CDH12: variants seen among roughly 807,000 people sequenced by gnomAD.
The protein encoded by CDH12 is cadherin-12.
CDH12 carries 41 observed loss-of-function variants against 74.1 expected under a neutral mutation model. The ratio of observed to expected loss-of-function variants is 0.55; its 90% confidence interval spans 0.43 to 0.72. CDH12 has a LOEUF of 0.72. Ranked by LOEUF, CDH12 falls within the 30% of genes least tolerant of loss-of-function variation. The pLI, the probability that CDH12 is intolerant of heterozygous loss-of-function variation, is 0.00. For synonymous variants in CDH12, 399 were observed against 355.0 expected, an observed-to-expected ratio of 1.12 and a Z score of -1.39; for missense variants, 945 against 977.2, an observed-to-expected ratio of 0.97 and a Z score of 0.44.
At chr5:22,043,839 A>T (rs146083577) in intron 5 of CDH12, among the ~76,000 whole-genome samples, 13 of 152,306 alleles carry the variant, frequency 8.5e-5, no homozygotes, top group African/African-American at 3.1e-4. Context: ...TCTCATTTAC[A>T]GTAACTACAA....
At chr5:22,148,041 C>T (rs1218146567) in intron 4 of CDH12, among the ~76,000 whole-genome samples, 1 of 152,140 alleles carries the variant, frequency 6.6e-6, no homozygotes, top group African/African-American at 2.4e-5. Flanking sequence ...TATTTTTCTG[C>T]TCTTTGATTT....
intron 3 of CDH12, among the ~76,000 whole-genome samples, chr5:22,271,366 G>C (rs527897697): frequency 2.3e-4 from 35 of 152,106 alleles, no homozygotes; most frequent in Admixed American, 4.6e-4. Context: ...TTCTAATGTT[G>C]GCTCTCTTGC....
At chr5:21,767,986 T>C (rs942250753) in intron 11 of CDH12, among the ~76,000 whole-genome samples, 2 of 151,742 alleles carry the variant, frequency 1.3e-5, no homozygotes, top group South Asian at 4.1e-4. Flanking sequence ...ACTCATCTAA[T>C]GAATATTTGG....
chr5:21,788,623 T>A (rs1461251717), intron 10 of CDH12, among the ~76,000 whole-genome samples: 1 of 152,172 alleles, frequency 6.6e-6, no homozygotes, highest in East Asian at 1.9e-4. Context: ...ATTTCAGATG[T>A]ATAATAAAGT....
chr5:22,093,445 G>A lies in CDH12; in HGVS notation c.-186-14583C>T, dbSNP rs113865180. 1.2e-3 allele frequency among the ~76,000 whole-genome samples: 188 copies of A among 152,126 alleles called. 1 individual carries two copies. Among genetic ancestry groups the A allele is most frequent in the African/African-American group, 4.0e-3 (168 of 41,490 alleles). ...TTGATTATTACATGGCAATGAAAAG[G>A]GATAAAGTCCTCATGCCTGCTACAA... On this transcript the variant is annotated intron_variant, in intron 4 of 14. Transcript: ENST00000382254.
At chr5:21,831,940 A>T (rs1431774102) in intron 8 of CDH12, among the ~76,000 whole-genome samples, 1 of 152,082 alleles carries the variant, frequency 6.6e-6, no homozygotes, top group East Asian at 1.9e-4. Flanking sequence ...TAAAAAAGTC[A>T]CTTAAAGTGA....
At chr5:22,274,488 T>C (rs879742468) in intron 3 of CDH12, among the ~76,000 whole-genome samples, 5 of 152,114 alleles carry the variant, frequency 3.3e-5, no homozygotes, top group African/African-American at 1.2e-4. Context: ...GACTTTAGAA[T>C]TGGACAATCA....
intron 3 of CDH12, among the ~76,000 whole-genome samples, chr5:22,337,960 C>T (rs899900484): frequency 6.6e-6 from 1 of 152,122 alleles, no homozygotes; most frequent in Non-Finnish European, 1.5e-5. Flanking sequence ...AACCTTTGTA[C>T]ACTGTTGGTG....
chr5:21,765,205 G>A, intron 11 of CDH12, 106 bp from the exon 12 acceptor site: 1 of 908,454 alleles, frequency 1.1e-6, no homozygotes. Flanking sequence ...TATATAGAAT[G>A]AAAAAAAATC....
intron 9 of CDH12, among the ~76,000 whole-genome samples, chr5:21,815,049 T>A (rs1747968448): frequency 6.6e-6 from 1 of 152,070 alleles, no homozygotes; most frequent in African/African-American, 2.4e-5. Flanking sequence ...GTTAAATTAA[T>A]TTCTAGACTA....
intron 1 of CDH12, among the ~76,000 whole-genome samples, chr5:22,766,242 C>T (rs1258775886): frequency 6.6e-6 from 1 of 152,018 alleles, no homozygotes; most frequent in Non-Finnish European, 1.5e-5. Flanking sequence ...ATACCACTCA[C>T]AGAAAATTCT....
chr5:22,797,300 A>G (rs1156927573), intron 1 of CDH12, among the ~76,000 whole-genome samples: 1 of 151,926 alleles, frequency 6.6e-6, no homozygotes, highest in Admixed American at 6.6e-5. Context: ...ATCAGACACC[A>G]GAGCTGACAG....
In CDH12 at chr5:22,675,870, C is replaced by CATAT. The variant is rs144687047; in HGVS notation, c.-522-170510_-522-170507dup. Among the ~76,000 whole-genome samples, 58 of 92,152 alleles carry CATAT rather than the reference C, an allele frequency of 6.3e-4. 3 individuals carry two copies. Among genetic ancestry groups the CATAT allele is most frequent in the African/African-American group, 1.3e-3 (32 of 25,112 alleles). The allele number at this position is 92,152 out of a possible 152,430, so 60.5% of individuals were successfully genotyped here. ...TGTATATATTTATACTTTTGTATCT[C>CATAT]ATATATATATATATATACTTTTGTT... On this transcript the variant is annotated intron_variant, in intron 1 of 14. Coordinates refer to ENST00000382254, the MANE Select transcript of CDH12 (RefSeq NM_004061.5).
intron 6 of CDH12, among the ~76,000 whole-genome samples, chr5:21,945,755 A>G (rs527540903): frequency 3.0e-4 from 46 of 152,062 alleles, no homozygotes; most frequent in African/African-American, 1.1e-3. Flanking sequence ...AAACTGATAA[A>G]AAAAAAATTT....
At chr5:21,752,463 T>C (rs1744151284) in intron 14 of CDH12, among the ~76,000 whole-genome samples, 1 of 152,178 alleles carries the variant, frequency 6.6e-6, no homozygotes, top group Admixed American at 6.6e-5. Context: ...AACAAGTATG[T>C]CTTTATATTA....
chr5:22,064,764 A>C lies in CDH12; in HGVS notation c.231+13682T>G, dbSNP rs183521382. On this transcript the variant is annotated intron_variant, in intron 5 of 14. Transcript: ENST00000382254. ...ACAAAAGGATGAGCTCAGGGATTTG[A>C]ATTCCCAGCTCAAGTACCACGTAAG... 9.2e-4 allele frequency among the ~76,000 whole-genome samples: 140 copies of C among 152,298 alleles called. 2 individuals carry two copies. The highest frequency in any genetic ancestry group is 8.5e-3 in the Admixed American group (130 of 15,286).
chr5:22,097,501 T>C (rs1428164193), intron 4 of CDH12, among the ~76,000 whole-genome samples: 1 of 152,188 alleles, frequency 6.6e-6, no homozygotes, highest in Non-Finnish European at 1.5e-5. Flanking sequence ...GCCAGGCTTC[T>C]AAACATCTTT....
At chr5:22,398,376 C>A (rs1742555854) in intron 3 of CDH12, among the ~76,000 whole-genome samples, 1 of 152,144 alleles carries the variant, frequency 6.6e-6, no homozygotes, top group Non-Finnish European at 1.5e-5. Flanking sequence ...GTTGCTACTT[C>A]ATACCAACGC....
intron 1 of CDH12, among the ~76,000 whole-genome samples, chr5:22,523,982 T>TTA (rs67528407): frequency 0.15 from 19,827 of 128,718 alleles, 1,484 homozygotes; most frequent in Non-Finnish European, 0.21. Context: ...ATTATTATTA[T>TTA]TTTTTTTTTT....
Sources: gnomAD v4.1 joint callset for allele counts (sites outside exome capture counted in the v4.1 genomes callset) on GRCh38, gnomAD v4.1.1 for gene constraint, MANE v1.5 for transcripts, NCBI Gene and HGNC (gene_info 2026-07-23, HGNC 2026-07-21) for gene names.